The following TBC1D30 variants were observed in gnomAD, a reference collection of about 807,000 sequenced individuals.
The protein encoded by TBC1D30 is TBC1 domain family, member 30.
A neutral mutation model predicts 63.2 loss-of-function variants in TBC1D30; 31 were observed. The observed-to-expected ratio is 0.49, with a 90% CI of 0.37 to 0.66. TBC1D30 has a LOEUF of 0.66. Ranked by LOEUF, TBC1D30 falls within the 30% of genes least tolerant of loss-of-function variation. TBC1D30 has a pLI of 0.00. For missense variants in TBC1D30, 810 were observed against 953.6 expected (o/e 0.85, Z 1.98); for synonymous variants, 307 against 361.5 (o/e 0.85, Z 1.71).
At chr12:64,779,998 C>T (rs1871187619), upstream of TBC1D30, among the ~76,000 whole-genome samples, 1 of 152,214 alleles carries the variant, frequency 6.6e-6, no homozygotes, top group African/African-American at 2.4e-5. Context: ...ATACATCTCT[C>T]ACAGTATCTT....
At chr12:64,773,384 A>G (rs1378206059) in intron 1 of TBC1D30, among the ~76,000 whole-genome samples, 1 of 152,078 alleles carries the variant, frequency 6.6e-6, no homozygotes, top group Non-Finnish European at 1.5e-5. Context: ...CATCTTTGCT[A>G]TTTGGGTGAC....
intron 8 of TBC1D30, among the ~76,000 whole-genome samples, chr12:64,844,261 T>A (rs1876161923): frequency 6.6e-6 from 1 of 152,240 alleles, no homozygotes; most frequent in Non-Finnish European, 1.5e-5. Flanking sequence ...GGTTTAGTTA[T>A]TTTTTATGGC....
Position 64,824,713 on chromosome 12 carries a change from C to T in TBC1D30, c.-167C>T. 1.1e-6 allele frequency: 1 copy of T among 941,080 alleles called. No homozygotes were observed. Among genetic ancestry groups the T allele is most frequent in the Non-Finnish European group, 1.5e-6 (1 of 665,288 alleles). The allele number at this position is 941,080 out of a possible 1,614,324, so 58.3% of individuals were successfully genotyped here. A position where few individuals can be genotyped will look rare whatever the true frequency, so the allele number is the denominator to read the frequency against. On this transcript the variant is annotated 5_prime_UTR_variant, in exon 1 of 12. Coordinates refer to ENST00000539867, the MANE Select transcript of TBC1D30 (RefSeq NM_015279.2). The stretch of plus-strand genomic sequence containing the variant: ...TGCGCTCGGCGGCTCCCGCGGTGCC[C>T]CGTAAGTCCCCGTGACCCTCCAGCA...
In TBC1D30 at chr12:64,875,490, A is replaced by G. The variant is rs768679971; in HGVS notation, c.1988A>G (p.Gln663Arg). The G allele has an allele frequency of 3.0e-5, 46 of 1,536,054 alleles. No individual in the cohort carries two copies. The South Asian group carries it at 5.1e-4, about 17-fold the overall frequency. Reference sequence around the variant, plus strand: ...AAGTTGGGAGCCCTGGAACTGAACCAGAGGGATGCTGCAGCTGAAACTGAG... The same window carrying G: ...AAGTTGGGAGCCCTGGAACTGAACCGGAGGGATGCTGCAGCTGAAACTGAG... ...QAKLGALELN[Q>R]RDAAAETELR... The change falls in exon 12 of 12, where the codon CAG becomes CGG. Residue 663 changes from glutamine (Q) to arginine (R), a missense_variant. By Grantham distance (43) the Gln-to-Arg change is conservative. This residue lies in a region of TBC1D30 where 450 missense variants were observed against 473.0 expected (regional missense o/e 0.95). Transcript: ENST00000539867.
exon 1 of TBC1D30, chr12:64,759,559 A>G: frequency 2.7e-6 from 1 of 375,966 alleles, no homozygotes; most frequent in East Asian, 6.3e-5. Flanking sequence ...AACCGGAGAA[A>G]AGGGCGGAGA....
At chr12:64,857,005 G>T (rs1289667378) in intron 8 of TBC1D30, among the ~76,000 whole-genome samples, 2 of 152,066 alleles carry the variant, frequency 1.3e-5, no homozygotes, top group Non-Finnish European at 2.9e-5. Context: ...GCTCCCCACT[G>T]CCCCAGGGCA....
At chr12:64,776,106 T>G (rs1871071001), upstream of TBC1D30, among the ~76,000 whole-genome samples, 1 of 152,164 alleles carries the variant, frequency 6.6e-6, no homozygotes, top group Non-Finnish European at 1.5e-5. Flanking sequence ...CATACCAGAA[T>G]CTCTGGGACA....
chr12:64,875,641 C>T lies in TBC1D30; in HGVS notation c.2139C>T (p.Pro713=), dbSNP rs1879010384. The change falls in exon 12 of 12, where the codon CCC becomes CCT. Residue 713 remains proline (P), a synonymous_variant. Transcript: ENST00000539867. ...NSKTPIFSPF[P]SVKPLRKSAT... is the part of the protein sequence containing the mutation. ...AAACCCCCATCTTTAGCCCTTTTCCCAGCGTCAAGCCCCTGCGGAAATCTG... is the reference window on the plus strand; with the variant it reads ...AAACCCCCATCTTTAGCCCTTTTCCTAGCGTCAAGCCCCTGCGGAAATCTG... 6.5e-7 allele frequency: 1 copy of T among 1,536,256 alleles called. No individual in the cohort carries two copies.
Position 64,824,796 on chromosome 12 carries a change from G to A in TBC1D30, c.-84G>A, listed in dbSNP as rs1024287036. On this transcript the variant is annotated 5_prime_UTR_variant, in exon 1 of 12. Coordinates refer to ENST00000539867, the MANE Select transcript of TBC1D30 (RefSeq NM_015279.2). ...CCGGTCAGCCGCAGACACTCACCCA[G>A]CTCCGCGAGCTCAGCCGCTCAGCGA... The A allele has an allele frequency of 4.9e-5, 72 of 1,473,766 alleles. No individual in the cohort carries two copies. The highest frequency in any genetic ancestry group is 3.7e-5 in the Non-Finnish European group (41 of 1,111,318). 91.3% of individuals were successfully genotyped at this position (1,473,766 alleles called of 1,614,324 possible).
At chr12:64,793,052 C>T (rs893125110) in intron 2 of TBC1D30, among the ~76,000 whole-genome samples, 1 of 152,068 alleles carries the variant, frequency 6.6e-6, no homozygotes, top group Non-Finnish European at 1.5e-5. Context: ...AAATAAAGAG[C>T]AAGCTCGCTG....
intron 2 of TBC1D30, among the ~76,000 whole-genome samples, chr12:64,790,162 CAT>C (rs1871839177): frequency 6.6e-6 from 1 of 152,134 alleles, no homozygotes; most frequent in African/African-American, 2.4e-5. Context: ...AAATTTATAA[CAT>C]GAGTTATAAA....
At chr12:64,840,004 CAAA>C (rs60440376) in intron 7 of TBC1D30, among the ~76,000 whole-genome samples, 7 of 98,314 alleles carry the variant, frequency 7.1e-5, no homozygotes, top group South Asian at 3.1e-4. Context: ...GACTCTGTCT[CAAA>C]AAAAAAAAAA....
chr12:64,856,304 A>G (rs987314072), intron 8 of TBC1D30, among the ~76,000 whole-genome samples: 2 of 152,210 alleles, frequency 1.3e-5, no homozygotes, highest in Non-Finnish European at 2.9e-5. Context: ...ACCTCCCACC[A>G]GGCCCCACCT....
At chr12:64,823,871 AC>A (rs1266855608), upstream of TBC1D30, among the ~76,000 whole-genome samples, 1 of 151,928 alleles carries the variant, frequency 6.6e-6, no homozygotes, top group Non-Finnish European at 1.5e-5. Flanking sequence ...TCAAGAGAGG[AC>A]TCAGTTTTCC....
chr12:64,845,009 G>A (rs1007199874), intron 8 of TBC1D30, among the ~76,000 whole-genome samples: 9 of 151,788 alleles, frequency 5.9e-5, no homozygotes, highest in African/African-American at 1.2e-4. Context: ...TTCTTTATCC[G>A]TTCATTGGTT....
At position 64,875,390 on chromosome 12, in the gene TBC1D30, A is replaced by C. The variant is rs998449349; in HGVS notation, c.1888A>C (p.Arg630=). ...REGSSPEGST[R]RTIEGQSPEP... ...AGGCAGCAGCCCTGAAGGCAGTACC[A>C]GGAGGACGATCGAGGGGCAGTCTCC... The change falls in exon 12 of 12, where the codon AGG becomes CGG. Residue 630 remains arginine, a synonymous_variant. Coordinates refer to ENST00000539867, the MANE Select transcript of TBC1D30 (RefSeq NM_015279.2). 5.9e-6 allele frequency: 9 copies of C among 1,536,262 alleles called. No individual in the cohort carries two copies. In the East Asian group the frequency reaches 2.0e-4, roughly 33 times the overall value.
chr12:64,807,230 G>A (rs1163710992), intron 2 of TBC1D30, among the ~76,000 whole-genome samples: 4 of 152,068 alleles, frequency 2.6e-5, no homozygotes, highest in Admixed American at 6.6e-5. Flanking sequence ...TTTGCTTGGC[G>A]CTTCTTCCTG....
intron 8 of TBC1D30, among the ~76,000 whole-genome samples, chr12:64,853,389 C>G (rs1350960074): frequency 6.6e-6 from 1 of 152,194 alleles, no homozygotes; most frequent in Non-Finnish European, 1.5e-5. Context: ...GTGCTGGCAG[C>G]AAGAATTTCA....
At chr12:64,832,068 G>T in intron 4 of TBC1D30, 51 bp from the exon 5 acceptor site, 5 of 1,405,582 alleles carry the variant, frequency 3.6e-6, no homozygotes, top group South Asian at 1.5e-5. Context: ...GTATTGTTTT[G>T]GAAAGAATAT....
Sources: allele counts gnomAD v4.1 joint callset (sites outside exome capture counted in the v4.1 genomes callset), GRCh38; gene constraint gnomAD v4.1.1; regional missense constraint gnomAD v4.1.1; transcripts MANE v1.5; gene names NCBI Gene and HGNC (gene_info 2026-07-23, HGNC 2026-07-21).